Variants in YAP1 observed in about 807,000 individuals in gnomAD.
YAP1 encodes transcriptional coactivator YAP1.
Under a neutral mutation model 56.9 loss-of-function variants are expected in YAP1, and 5 were observed. The observed-to-expected ratio is 0.09, with a 90% confidence interval of 0.05 to 0.18. The LOEUF (loss-of-function observed/expected upper bound fraction) is 0.18. YAP1 is among the 10% of genes least tolerant of loss of function. The pLI is 1.00. For synonymous variants in YAP1, 265 were observed against 248.1 expected, an observed-to-expected ratio of 1.07 and a Z score of -0.64; for missense variants, 539 against 651.8, an observed-to-expected ratio of 0.83 and a Z score of 1.88.
chr11:102,149,977 CTTTTTTTTTTTTTT>C (rs386374692), intron 2 of YAP1, among the ~76,000 whole-genome samples: 5 of 50,290 alleles, frequency 9.9e-5, no homozygotes, highest in Non-Finnish European at 3.6e-5. Flanking sequence ...GAGTAGTGTG[CTTTTTTTTTTTTTT>C]TTTTTTTTTT....
intron 6 of YAP1, among the ~76,000 whole-genome samples, chr11:102,209,981 C>CAT (rs757404743): frequency 2.0e-4 from 31 of 152,280 alleles, no homozygotes; most frequent in Non-Finnish European, 4.0e-4. Flanking sequence ...ATTTTAGAGT[C>CAT]ATGATACTAT....
Position 102,111,084 on chromosome 11 carries a change from A to G in YAP1, c.236A>G (p.Asn79Ser), listed in dbSNP as rs965501205. The change falls in exon 1 of 9, where the codon AAC (asparagine) becomes AGC (serine). Residue 79 changes from asparagine (N) to serine (S), a missense_variant. Coordinates refer to ENST00000282441, the MANE Select transcript of YAP1 (RefSeq NM_001130145.3). ...FNAVMNPKTA[N>S]VPQTVPMRLR... The stretch of plus-strand genomic sequence containing the variant: ...GCCGTCATGAACCCCAAGACGGCCA[A>G]CGTGCCCCAGACCGTGCCCATGAGG... 7.4e-6 allele frequency: 12 copies of G among 1,613,246 alleles called. No individual in the cohort carries two copies. Among genetic ancestry groups the G allele is most frequent in the East Asian group, 2.2e-5 (1 of 44,784 alleles).
chr11:102,204,850 A>G (rs1591412064), intron 4 of YAP1, among the ~76,000 whole-genome samples: 1 of 152,186 alleles, frequency 6.6e-6, no homozygotes, highest in Non-Finnish European at 1.5e-5. Flanking sequence ...ATGCTCTGGA[A>G]GAGGCTGTGT....
chr11:102,169,229 A>G lies in YAP1; in HGVS notation c.688+6658A>G, dbSNP rs139349397. 6.0e-3 allele frequency among the ~76,000 whole-genome samples: 915 copies of G among 152,332 alleles called. 7 individuals carry two copies. The highest frequency in any genetic ancestry group is 9.9e-3 in the Non-Finnish European group (676 of 68,030). On this transcript the variant is annotated intron_variant, in intron 3 of 8. Transcript: ENST00000282441. Reference sequence around the variant, plus strand: ...ATCACATAGTTAAAATGTATTATTAATAGTGTACAGTGCCTGGTATAAATG... The same window carrying G: ...ATCACATAGTTAAAATGTATTATTAGTAGTGTACAGTGCCTGGTATAAATG...
chr11:102,225,171 T>A (rs1385491718), intron 7 of YAP1, among the ~76,000 whole-genome samples: 1 of 142,424 alleles, frequency 7.0e-6, no homozygotes, highest in African/African-American at 2.5e-5. Context: ...GACTTTGACT[T>A]TTTTTTTCTT....
At chr11:102,163,544 C>A (rs1445144592) in intron 3 of YAP1, among the ~76,000 whole-genome samples, 1 of 152,158 alleles carries the variant, frequency 6.6e-6, no homozygotes, top group East Asian at 1.9e-4. Context: ...CACGCTTTAC[C>A]CCGCTGCTCA....
chr11:102,220,737 A>G (rs1322963450), intron 6 of YAP1, among the ~76,000 whole-genome samples: 3 of 152,214 alleles, frequency 2.0e-5, no homozygotes, highest in African/African-American at 7.2e-5. Context: ...GTGAGAAAGT[A>G]AAATAAGTGC....
At chr11:102,201,948 T>C (rs1175887193) in intron 4 of YAP1, among the ~76,000 whole-genome samples, 2 of 152,074 alleles carry the variant, frequency 1.3e-5, no homozygotes, top group Non-Finnish European at 2.9e-5. Flanking sequence ...CCTTGGAACA[T>C]CTTTTTGTGC....
rs146503788 is a variant in YAP1 at position 102,166,326 on chromosome 11, A to G, written c.688+3755A>G. On this transcript the variant is annotated intron_variant, in intron 3 of 8. Transcript: ENST00000282441. ...ACACTTGTCTGTTGTCTTTTCTTCC[A>G]TTTCAGTGGAAGCCCATGGTTTTGA... 5.6e-3 allele frequency among the ~76,000 whole-genome samples: 856 copies of G among 152,124 alleles called. 11 individuals carry two copies. The highest frequency in any genetic ancestry group is 0.02 in the African/African-American group (809 of 41,476).
chr11:102,180,509 C>T (rs1295997975), intron 3 of YAP1, among the ~76,000 whole-genome samples: 21 of 150,842 alleles, frequency 1.4e-4, no homozygotes, highest in Non-Finnish European at 2.7e-4. Context: ...AGTGAAACCC[C>T]GTCTCTACTA....
At chr11:102,166,483 T>A (rs1276483594) in intron 3 of YAP1, among the ~76,000 whole-genome samples, 3 of 152,220 alleles carry the variant, frequency 2.0e-5, no homozygotes, top group Admixed American at 6.5e-5. Flanking sequence ...GGAAAAATGA[T>A]CTTTTAAGGA....
At chr11:102,182,702 GAA>G (rs1947700227) in intron 3 of YAP1, among the ~76,000 whole-genome samples, 1 of 152,148 alleles carries the variant, frequency 6.6e-6, no homozygotes, top group Non-Finnish European at 1.5e-5. Flanking sequence ...ATAGTGTGGT[GAA>G]AAGTTATTTA....
intron 3 of YAP1, among the ~76,000 whole-genome samples, chr11:102,165,850 G>A (rs139062677): frequency 2.0e-5 from 3 of 152,294 alleles, no homozygotes; most frequent in Non-Finnish European, 2.9e-5. Context: ...GAACGTCCTG[G>A]AGGCGCTATT....
Position 102,180,594 on chromosome 11 carries a change from A to G in YAP1, c.689-5424A>G, listed in dbSNP as rs557103984. On this transcript the variant is annotated intron_variant, in intron 3 of 8. Transcript: ENST00000282441. ...CTACTTGGGATGCTGAGGCAGGAGA[A>G]TGGCATGAACCTGGGAGGTGGAGCT... is the stretch of plus-strand genomic sequence containing the variant. Among the ~76,000 whole-genome samples, 3 of 147,906 alleles carry G rather than the reference A, an allele frequency of 2.0e-5. No homozygotes were observed. The East Asian group carries it at 6.6e-4, about 33-fold the overall frequency.
At chr11:102,196,553 A>C (rs926842589) in intron 4 of YAP1, among the ~76,000 whole-genome samples, 3 of 152,008 alleles carry the variant, frequency 2.0e-5, no homozygotes, top group Non-Finnish European at 4.4e-5. Context: ...GTTGCCAGGG[A>C]CTGGGAGGAA....
chr11:102,178,286 A>T (rs1305453491), intron 3 of YAP1, among the ~76,000 whole-genome samples: 1 of 152,206 alleles, frequency 6.6e-6, no homozygotes, highest in Non-Finnish European at 1.5e-5. Flanking sequence ...CTTTCTAAGG[A>T]AACTACTTGA....
intron 7 of YAP1, among the ~76,000 whole-genome samples, chr11:102,226,654 T>C (rs1461800363): frequency 1.3e-5 from 2 of 152,248 alleles, no homozygotes; most frequent in Non-Finnish European, 2.9e-5. Flanking sequence ...ATATTTACCA[T>C]ACTTTTAATG....
intron 4 of YAP1, among the ~76,000 whole-genome samples, chr11:102,196,819 A>G (rs1176832397): frequency 6.6e-6 from 1 of 152,150 alleles, no homozygotes; most frequent in African/African-American, 2.4e-5. Flanking sequence ...TACCTTTTGT[A>G]TATTGATCAT....
At chr11:102,185,267 T>C (rs1204130904) in intron 3 of YAP1, among the ~76,000 whole-genome samples, 1 of 152,238 alleles carries the variant, frequency 6.6e-6, no homozygotes, top group African/African-American at 2.4e-5. Context: ...TCTTGACTTC[T>C]CTATTCCTAT....
Sources: gnomAD v4.1 joint callset for allele counts (sites outside exome capture counted in the v4.1 genomes callset) on GRCh38, gnomAD v4.1.1 for gene constraint, MANE v1.5 for transcripts, NCBI Gene and HGNC (gene_info 2026-07-23, HGNC 2026-07-21) for gene names.